The following GPC6 variants were observed in gnomAD, a reference collection of about 807,000 sequenced individuals.
GPC6 encodes glypican 6.
A neutral mutation model predicts 55.2 loss-of-function variants in GPC6; 14 were observed. The ratio of observed to expected loss-of-function variants is 0.25; its 90% CI spans 0.17 to 0.40. The LOEUF (loss-of-function observed/expected upper bound fraction) is 0.40. Ranked by LOEUF, GPC6 falls within the 10% of genes least tolerant of loss-of-function variation. The pLI is 1.00. For synonymous variants in GPC6, 278 were observed against 259.6 expected, an observed-to-expected ratio of 1.07 and a Z score of -0.68; for missense variants, 641 against 708.5, an observed-to-expected ratio of 0.90 and a Z score of 1.08.
chr13:93,789,780 C>T (rs1407276007), intron 2 of GPC6, among the ~76,000 whole-genome samples: 8 of 150,666 alleles, frequency 5.3e-5, no homozygotes, highest in Non-Finnish European at 8.9e-5. Context: ...GAAGCAAGGG[C>T]ATCACAACTC....
chr13:93,962,576 T>A (rs1228070740), intron 3 of GPC6, among the ~76,000 whole-genome samples: 1 of 152,064 alleles, frequency 6.6e-6, no homozygotes, highest in East Asian at 1.9e-4. Context: ...AACACATAAA[T>A]AAACAACAAT....
At chr13:93,289,915 A>C (rs1449552910) in intron 1 of GPC6, among the ~76,000 whole-genome samples, 2 of 152,194 alleles carry the variant, frequency 1.3e-5, no homozygotes, top group African/African-American at 4.8e-5. Flanking sequence ...TCCTCTTTTG[A>C]AAAATACTAT....
intron 3 of GPC6, among the ~76,000 whole-genome samples, chr13:93,859,795 GCCCTC>G (rs1435080746): frequency 6.6e-6 from 1 of 151,560 alleles, no homozygotes; most frequent in Non-Finnish European, 1.5e-5. Context: ...ACTGACTCAT[GCCCTC>G]CCACTCAGTC....
At chr13:94,246,007 C>T (rs1006866055) in intron 4 of GPC6, among the ~76,000 whole-genome samples, 4 of 152,056 alleles carry the variant, frequency 2.6e-5, no homozygotes, top group Admixed American at 6.6e-5. Context: ...TCCTTTTCTC[C>T]GCACCCTTGA....
chr13:93,540,479 A>G (rs571396356), intron 1 of GPC6, among the ~76,000 whole-genome samples: 1 of 152,094 alleles, frequency 6.6e-6, no homozygotes, highest in East Asian at 1.9e-4. Flanking sequence ...TTAAAAATAC[A>G]TATATATTTA....
chr13:94,329,787 T>G (rs1409266492), intron 6 of GPC6, among the ~76,000 whole-genome samples: 1 of 151,694 alleles, frequency 6.6e-6, no homozygotes, highest in African/African-American at 2.4e-5. Context: ...CTACTCCTCC[T>G]CCTCCTCTTC....
intron 4 of GPC6, among the ~76,000 whole-genome samples, chr13:94,039,964 T>C (rs1448068429): frequency 1.3e-5 from 2 of 151,944 alleles, no homozygotes; most frequent in South Asian, 4.1e-4. Flanking sequence ...CTTAACATAA[T>C]GATTTAACGG....
intron 4 of GPC6, among the ~76,000 whole-genome samples, chr13:94,211,261 A>T (rs1484041230): frequency 6.6e-6 from 1 of 152,200 alleles, no homozygotes; most frequent in Non-Finnish European, 1.5e-5. Flanking sequence ...AAAATAACAA[A>T]TGAATCTTTT....
intron 3 of GPC6, among the ~76,000 whole-genome samples, chr13:93,966,314 A>G (rs1403801245): frequency 1.3e-5 from 2 of 152,210 alleles, no homozygotes; most frequent in African/African-American, 4.8e-5. Flanking sequence ...GTGGGTCCTC[A>G]TCTCCTGCAC....
chr13:93,711,532 G>T (rs1463688686), intron 2 of GPC6, among the ~76,000 whole-genome samples: 1 of 151,624 alleles, frequency 6.6e-6, no homozygotes. Flanking sequence ...ATAATGTCAT[G>T]GTATAGATAA....
intron 4 of GPC6, among the ~76,000 whole-genome samples, chr13:94,210,157 ATTT>A (rs11324733): frequency 1.5e-5 from 2 of 137,686 alleles, no homozygotes; most frequent in African/African-American, 2.7e-5. Context: ...TGTATGTTTA[ATTT>A]TTTTTTTTTT....
chr13:93,750,032 A>G lies in GPC6; in HGVS notation c.320-80122A>G, dbSNP rs139754216. 3.5e-3 allele frequency among the ~76,000 whole-genome samples: 539 copies of G among 152,338 alleles called. 6 individuals carry two copies. Among genetic ancestry groups the G allele is most frequent in the South Asian group, 0.015 (71 of 4,828 alleles). ...AAAGAACAGAAAGTTGTGAAAAAGA[A>G]AAGGTAGTGTGCATTTAAGCCTAAT... On this transcript the variant is annotated intron_variant, in intron 2 of 8. Coordinates refer to ENST00000377047, the MANE Select transcript of GPC6 (RefSeq NM_005708.5).
chr13:94,162,469 C>T (rs1433959433), intron 4 of GPC6, among the ~76,000 whole-genome samples: 2 of 152,206 alleles, frequency 1.3e-5, no homozygotes, highest in Non-Finnish European at 2.9e-5. Flanking sequence ...GGACTGCGCC[C>T]AGCCCTGTGA....
At chr13:93,552,361 A>G (rs145207976) in intron 2 of GPC6, among the ~76,000 whole-genome samples, 1 of 152,238 alleles carries the variant, frequency 6.6e-6, no homozygotes, top group Non-Finnish European at 1.5e-5. Flanking sequence ...GCTGAAAGAG[A>G]AGATCCTGGT....
At chr13:93,622,542 A>G (rs1426166850) in intron 2 of GPC6, among the ~76,000 whole-genome samples, 5 of 152,162 alleles carry the variant, frequency 3.3e-5, no homozygotes, top group African/African-American at 1.2e-4. Context: ...TAAATCAGAG[A>G]CTGGAGGGCT....
intron 1 of GPC6, among the ~76,000 whole-genome samples, chr13:93,492,616 G>A (rs964229296): frequency 1.3e-5 from 2 of 150,072 alleles, no homozygotes; most frequent in Non-Finnish European, 3.0e-5. Flanking sequence ...CAAAGGGAAT[G>A]CTTCTAGTTT....
chr13:94,011,221 C>T (rs946274531), intron 3 of GPC6, among the ~76,000 whole-genome samples: 1 of 152,182 alleles, frequency 6.6e-6, no homozygotes, highest in East Asian at 1.9e-4. Context: ...TATATTTCAT[C>T]ATTCTTTTAA....
intron 3 of GPC6, among the ~76,000 whole-genome samples, chr13:93,993,332 G>A (rs1036971273): frequency 2.6e-4 from 35 of 137,080 alleles, no homozygotes; most frequent in Non-Finnish European, 3.5e-4. Flanking sequence ...TTGCTCTGTC[G>A]CCCAGGCTGA....
chr13:94,125,877 G>A (rs997827117), intron 4 of GPC6, among the ~76,000 whole-genome samples: 2 of 151,942 alleles, frequency 1.3e-5, no homozygotes, highest in African/African-American at 4.8e-5. Flanking sequence ...TGAAAAATAT[G>A]CATTTTATGA....
Sources: allele counts gnomAD v4.1 joint callset (sites outside exome capture counted in the v4.1 genomes callset), GRCh38; gene constraint gnomAD v4.1.1; transcripts MANE v1.5; gene names NCBI Gene and HGNC (gene_info 2026-07-23, HGNC 2026-07-21).